Variants in EEFSEC observed in about 807,000 individuals in gnomAD.
EEFSEC encodes selenocysteine-specific elongation factor.
In EEFSEC, 43 loss-of-function variants were observed where a neutral mutation model predicts 42.1. The observed-to-expected ratio is 1.02, with a 90% confidence interval of 0.80 to 1.32. The LOEUF (loss-of-function observed/expected upper bound fraction) is 1.32. Ranked by LOEUF, EEFSEC falls within the 40% of genes most tolerant of loss-of-function variation. The pLI is 0.00. For missense variants in EEFSEC, 745 were observed against 803.6 expected, an observed-to-expected ratio of 0.93 and a Z score of 0.88; for synonymous variants, 354 against 339.1, an observed-to-expected ratio of 1.04 and a Z score of -0.48.
intron 1 of EEFSEC, among the ~76,000 whole-genome samples, chr3:128,205,960 A>T (rs1490100335): frequency 6.6e-6 from 1 of 151,524 alleles, no homozygotes; most frequent in Non-Finnish European, 1.5e-5. Flanking sequence ...GTAGCAACCC[A>T]TTTGGAACAT....
chr3:128,407,185 C>G (rs2068125243), intron 6 of EEFSEC, among the ~76,000 whole-genome samples: 2 of 152,178 alleles, frequency 1.3e-5, no homozygotes, highest in South Asian at 4.1e-4. Context: ...AAACAAATTT[C>G]CACTCAGGTG....
chr3:128,222,873 G>A (rs187934764), intron 1 of EEFSEC, among the ~76,000 whole-genome samples: 401 of 152,320 alleles, frequency 2.6e-3, no homozygotes, highest in Non-Finnish European at 4.6e-3. Context: ...AAAACCCTTG[G>A]AATTTCCAGA....
chr3:128,369,201 C>T (rs1367645819), intron 6 of EEFSEC, among the ~76,000 whole-genome samples: 1 of 152,162 alleles, frequency 6.6e-6, no homozygotes, highest in East Asian at 1.9e-4. Context: ...AGCTGGGAGG[C>T]TTCTGGAAAC....
intron 1 of EEFSEC, among the ~76,000 whole-genome samples, chr3:128,166,905 A>AC (rs1279379589): frequency 7.3e-5 from 11 of 151,444 alleles, no homozygotes; most frequent in African/African-American, 2.4e-5. Flanking sequence ...CTTGATTCCA[A>AC]CCCCCCGCAG....
chr3:128,419,369 G>A, the EEFSEC span, among the ~76,000 whole-genome samples: 1 of 152,216 alleles, frequency 6.6e-6, no homozygotes, highest in African/African-American at 2.4e-5. Context: ...AGTGTCCTGT[G>A]GATAAATCCT....
At chr3:128,343,788 G>T (rs2067282614) in intron 5 of EEFSEC, among the ~76,000 whole-genome samples, 2 of 152,176 alleles carry the variant, frequency 1.3e-5, no homozygotes, top group African/African-American at 4.8e-5. Flanking sequence ...GAGGGGCCAG[G>T]AGACATGCCT....
At chr3:128,354,002 C>G (rs1166098817) in intron 5 of EEFSEC, among the ~76,000 whole-genome samples, 1 of 152,132 alleles carries the variant, frequency 6.6e-6, no homozygotes, top group Non-Finnish European at 1.5e-5. Context: ...CTCTCTGCTG[C>G]TCCAGCCTCC....
chr3:128,406,659 A>T (rs1319098384), intron 6 of EEFSEC, among the ~76,000 whole-genome samples: 2 of 152,090 alleles, frequency 1.3e-5, no homozygotes, highest in Non-Finnish European at 2.9e-5. Context: ...AAAAAATGCA[A>T]AAAATCAGCT....
intron 6 of EEFSEC, among the ~76,000 whole-genome samples, chr3:128,397,822 G>A (rs1434213865): frequency 6.6e-6 from 1 of 152,288 alleles, no homozygotes; most frequent in East Asian, 1.9e-4. Context: ...TGAGCCCCAA[G>A]GGAAGGGGCC....
At chr3:128,250,797 T>C (rs2066176936) in intron 2 of EEFSEC, among the ~76,000 whole-genome samples, 1 of 152,202 alleles carries the variant, frequency 6.6e-6, no homozygotes. Context: ...TTGATAGGTA[T>C]TGCATTGAAT....
At chr3:128,212,914 C>A (rs938760981) in intron 1 of EEFSEC, among the ~76,000 whole-genome samples, 3 of 152,226 alleles carry the variant, frequency 2.0e-5, no homozygotes, top group African/African-American at 7.2e-5. Context: ...CCTTCCAGGG[C>A]TGCCTTCCTG....
intron 1 of EEFSEC, among the ~76,000 whole-genome samples, chr3:128,168,651 C>A (rs955166184): frequency 2.0e-5 from 3 of 152,208 alleles, no homozygotes; most frequent in Admixed American, 2.0e-4. Context: ...CCCAAGACAC[C>A]CATAAATGTG....
chr3:128,178,533 C>T (rs1420492722), intron 1 of EEFSEC, among the ~76,000 whole-genome samples: 1 of 151,986 alleles, frequency 6.6e-6, no homozygotes, highest in Admixed American at 6.6e-5. Context: ...AACTTCCTAA[C>T]GGTCATTCTT....
chr3:128,351,080 GC>G (rs1220736488), intron 5 of EEFSEC, among the ~76,000 whole-genome samples: 1 of 152,144 alleles, frequency 6.6e-6, no homozygotes, highest in Non-Finnish European at 1.5e-5. Context: ...AGGACTGCTG[GC>G]TTCTGTCCTC....
chr3:128,291,017 T>G, intron 4 of EEFSEC, among the ~76,000 whole-genome samples: 1 of 152,174 alleles, frequency 6.6e-6, no homozygotes, highest in Non-Finnish European at 1.5e-5. Context: ...CCCAAAGTGC[T>G]GGGATTACAG....
chr3:128,256,491 G>A (rs1001026646), intron 2 of EEFSEC, among the ~76,000 whole-genome samples: 2 of 152,116 alleles, frequency 1.3e-5, no homozygotes, highest in Non-Finnish European at 1.5e-5. Flanking sequence ...TACAACATTC[G>A]CAGCATCATG....
At chr3:128,327,859 G>A (rs574604340) in intron 4 of EEFSEC, among the ~76,000 whole-genome samples, 25 of 152,304 alleles carry the variant, frequency 1.6e-4, no homozygotes, top group African/African-American at 5.1e-4. Context: ...GGGTGTCTGA[G>A]CAAGAAGTGA....
At chr3:128,315,703 A>G (rs1408336039) in intron 4 of EEFSEC, among the ~76,000 whole-genome samples, 1 of 152,222 alleles carries the variant, frequency 6.6e-6, no homozygotes, top group Non-Finnish European at 1.5e-5. Flanking sequence ...GTAAAGCTCC[A>G]TTTCTTGAAA....
At chr3:128,360,398 G>A (rs77921308) in intron 6 of EEFSEC, among the ~76,000 whole-genome samples, 2,887 of 152,334 alleles carry the variant, frequency 0.019, 100 homozygotes, top group African/African-American at 0.064. Flanking sequence ...AGGATCCCGG[G>A]ATTCTTCCAG....
Sources: gnomAD v4.1 joint callset for allele counts (sites outside exome capture counted in the v4.1 genomes callset) on GRCh38, gnomAD v4.1.1 for gene constraint, MANE v1.5 for transcripts, NCBI Gene and HGNC (gene_info 2026-07-23, HGNC 2026-07-21) for gene names.